DPH6: variants seen among roughly 807,000 people sequenced by gnomAD.
DPH6 encodes diphthamine biosynthesis 6.
A neutral mutation model predicts 38.2 loss-of-function variants in DPH6; 33 were observed. The observed-to-expected ratio is 0.86, with a 90% CI of 0.65 to 1.15. The LOEUF is 1.15. DPH6 is among the 50% of genes most tolerant of loss of function. The pLI is 0.00. For missense variants in DPH6, 325 were observed against 320.0 expected (o/e 1.02, Z -0.12); for synonymous variants, 108 against 103.0 (o/e 1.05, Z -0.30).
rs796750850 is a variant in DPH6, at chr15:35,349,408, T to C, written n.208-18331A>G. 6.6e-5 allele frequency among the ~76,000 whole-genome samples: 10 copies of C among 152,290 alleles called. 1 individual carries two copies. Among genetic ancestry groups the C allele is most frequent in the African/African-American group, 2.2e-4 (9 of 41,566 alleles). Reference sequence around the variant, plus strand: ...GTCAAATGCCTTCCTTGGCATCCAGTTGACTACGTGCATTGTTTGTTTTTT... The same window carrying C: ...GTCAAATGCCTTCCTTGGCATCCAGCTGACTACGTGCATTGTTTGTTTTTT... On this transcript the variant is annotated intron_variant and non_coding_transcript_variant, in intron 3 of 3. Transcript: ENST00000558973.
chr15:35,165,105 G>T, the DPH6 span, among the ~76,000 whole-genome samples: 1 of 151,854 alleles, frequency 6.6e-6, no homozygotes, highest in African/African-American at 2.4e-5. Flanking sequence ...CCTTCTTCTA[G>T]ATTAATATTT....
At chr15:35,300,163 A>C (rs539588849) in intron 3 of DPH6, among the ~76,000 whole-genome samples, 17 of 152,344 alleles carry the variant, frequency 1.1e-4, no homozygotes, top group African/African-American at 4.1e-4. Context: ...AATGAACAAA[A>C]ATGGAAGATG....
chr15:35,460,693 A>T (rs2054054751), intron 3 of DPH6, among the ~76,000 whole-genome samples: 1 of 152,174 alleles, frequency 6.6e-6, no homozygotes, highest in African/African-American at 2.4e-5. Context: ...ACATTAACAG[A>T]TTCTTACAAA....
intron 3 of DPH6, among the ~76,000 whole-genome samples, chr15:35,305,891 T>C (rs73393337): frequency 0.03 from 4,517 of 152,268 alleles, 221 homozygotes; most frequent in African/African-American, 0.1. Context: ...TTATTCTTGT[T>C]TTGGGTAATT....
At chr15:35,243,552 T>C (rs898147579) in intron 3 of DPH6, among the ~76,000 whole-genome samples, 180 of 147,124 alleles carry the variant, frequency 1.2e-3, no homozygotes, top group African/African-American at 4.4e-3. Context: ...TTGTGATGTG[T>C]TCCTGCCCCA....
At chr15:35,218,440 T>C (rs1209078410) in exon 4 of DPH6, 1 of 152,204 alleles carries the variant, frequency 6.6e-6, no homozygotes, top group Non-Finnish European at 1.5e-5. Context: ...ACTACCATTA[T>C]GTTCAGTCAA....
intron 3 of DPH6, among the ~76,000 whole-genome samples, chr15:35,536,997 A>G (rs2055179970): frequency 6.6e-6 from 1 of 152,244 alleles, no homozygotes; most frequent in South Asian, 2.1e-4. Flanking sequence ...ATAACTAAGC[A>G]GAAAATTTTG....
At chr15:35,522,408 G>A in intron 3 of DPH6, 1 of 803,076 alleles carries the variant, frequency 1.2e-6, no homozygotes, top group Non-Finnish European at 1.9e-6. Flanking sequence ...AATACAACAG[G>A]ACTGCAAGTG....
At chr15:35,200,983 C>CTTT in the DPH6 span, among the ~76,000 whole-genome samples, 1,916 of 123,808 alleles carry the variant, frequency 0.015, 35 homozygotes, top group South Asian at 0.025. Context: ...AATAATTTCC[C>CTTT]TTTTTTTTTT....
rs1555396094 is a variant in DPH6, at chr15:35,372,215, AG to A, written c.751-13del. The A allele has an allele frequency of 7.3e-7, 1 of 1,378,908 alleles. No individual in the cohort carries two copies. The highest frequency in any genetic ancestry group is 9.7e-7 in the Non-Finnish European group (1 of 1,031,714). 85.4% of individuals were successfully genotyped at this position (1,378,908 alleles called of 1,614,324 possible). On this transcript the variant is annotated splice_polypyrimidine_tract_variant and intron_variant, in intron 8 of 8. Coordinates refer to ENST00000256538, the MANE Select transcript of DPH6 (RefSeq NM_080650.4). ...GGCACTGAGGACACCTAAAAAAAAA[AG>A]GGAAGGAAAGGGAAGGAAAATGCAC...
chr15:35,267,352 C>T (rs1473862109), intron 3 of DPH6, among the ~76,000 whole-genome samples: 1 of 152,142 alleles, frequency 6.6e-6, no homozygotes, highest in Non-Finnish European at 1.5e-5. Flanking sequence ...ACCACTGAAA[C>T]TAGATCTGCA....
intron 3 of DPH6, among the ~76,000 whole-genome samples, chr15:35,309,038 G>C (rs1431796690): frequency 1.3e-5 from 2 of 152,172 alleles, no homozygotes; most frequent in Non-Finnish European, 2.9e-5. Flanking sequence ...ATATGCACAA[G>C]CTCAGCTAAA....
In DPH6 at chr15:35,298,143, C is replaced by T. The variant is rs1160304040; in HGVS notation, n.200+75378G>A. The T allele has an allele frequency of 1.9e-5, 7 of 377,032 alleles. No homozygotes were observed. The Admixed American group carries it at 2.2e-4, about 12-fold the overall frequency. The allele number at this position is 377,032 out of a possible 1,614,324, so 23.4% of individuals were successfully genotyped here. On this transcript the variant is annotated intron_variant and non_coding_transcript_variant, in intron 3 of 3. Transcript: ENST00000560386. ...ATATCTTACAAGTCCCTCCAAGAGT[C>T]TCAGTATGCAACAGTCATGGAGGCT...
chr15:35,476,837 T>C (rs1299459609), intron 3 of DPH6, among the ~76,000 whole-genome samples: 2 of 151,862 alleles, frequency 1.3e-5, no homozygotes, highest in African/African-American at 2.4e-5. Context: ...TACAAAGTTA[T>C]AGAATAGTAA....
At chr15:35,544,043 T>C (rs1238689403) in intron 1 of DPH6, among the ~76,000 whole-genome samples, 1 of 152,214 alleles carries the variant, frequency 6.6e-6, no homozygotes, top group Non-Finnish European at 1.5e-5. Flanking sequence ...CAAAAGGTTT[T>C]GAATATCAGA....
chr15:35,436,630 AAG>A (rs1286622961), intron 5 of DPH6, among the ~76,000 whole-genome samples: 1 of 152,072 alleles, frequency 6.6e-6, no homozygotes, highest in African/African-American at 2.4e-5. Flanking sequence ...GCATAAGAAT[AAG>A]AGGTTTCTTG....
intron 5 of DPH6, among the ~76,000 whole-genome samples, chr15:35,412,643 T>C (rs895896986): frequency 6.6e-6 from 1 of 151,672 alleles, no homozygotes; most frequent in Non-Finnish European, 1.5e-5. Context: ...TATTATTCAG[T>C]GCTAAAAAGA....
intron 3 of DPH6, among the ~76,000 whole-genome samples, chr15:35,484,665 AC>A (rs1555405474): frequency 6.6e-6 from 1 of 152,172 alleles, no homozygotes; most frequent in Non-Finnish European, 1.5e-5. Flanking sequence ...ACAAAGAAAC[AC>A]TTTTTTGTAA....
At chr15:35,326,253 T>A (rs2052281384), downstream of DPH6, among the ~76,000 whole-genome samples, 1 of 152,046 alleles carries the variant, frequency 6.6e-6, no homozygotes, top group Non-Finnish European at 1.5e-5. Flanking sequence ...CATATTATCA[T>A]TTTTCTTGAA....
Sources: gnomAD v4.1 joint callset for allele counts (sites outside exome capture counted in the v4.1 genomes callset) on GRCh38, gnomAD v4.1.1 for gene constraint, MANE v1.5 for transcripts, NCBI Gene and HGNC (gene_info 2026-07-23, HGNC 2026-07-21) for gene names.